The following NRG1 variants were observed in gnomAD, a reference collection of about 807,000 sequenced individuals.
NRG1 encodes pro-neuregulin-1, membrane-bound isoform.
Under a neutral mutation model 63.8 loss-of-function variants are expected in NRG1, and 18 were observed. The ratio of observed to expected loss-of-function variants is 0.28; its 90% CI spans 0.19 to 0.42. NRG1 has a LOEUF of 0.42. Ranked by LOEUF, NRG1 falls within the 10% of genes least tolerant of loss-of-function variation. NRG1 has a pLI of 1.00. For synonymous variants in NRG1, 302 were observed against 301.3 expected (o/e 1.00, Z -0.02); for missense variants, 762 against 814.7 (o/e 0.94, Z 0.79).
At chr8:32,726,645 CAGAT>C (rs1822269561) in intron 5 of NRG1, among the ~76,000 whole-genome samples, 2 of 151,882 alleles carry the variant, frequency 1.3e-5, no homozygotes, top group African/African-American at 4.8e-5. Context: ...GTATTCCAGT[CAGAT>C]AGAATAAAAA....
intron 1 of NRG1, among the ~76,000 whole-genome samples, chr8:32,157,054 G>A (rs1482088474): frequency 8.0e-5 from 3 of 37,332 alleles, no homozygotes; most frequent in Non-Finnish European, 1.4e-4. Flanking sequence ...AAACTCGTGT[G>A]TGTGTGTGTG....
At chr8:32,109,292 A>G (rs1585351804) in intron 1 of NRG1, among the ~76,000 whole-genome samples, 1 of 152,196 alleles carries the variant, frequency 6.6e-6, no homozygotes, top group Non-Finnish European at 1.5e-5. Flanking sequence ...TAGAGGCACA[A>G]TAGATCATGA....
At chr8:32,684,779 T>G (rs551143217) in intron 5 of NRG1, among the ~76,000 whole-genome samples, 93 of 152,208 alleles carry the variant, frequency 6.1e-4, no homozygotes, top group Non-Finnish European at 9.7e-4. Flanking sequence ...AGCTAGGAAA[T>G]TAGTTGTAAG....
intron 11 of NRG1, chr8:32,760,787 G>A: frequency 2.0e-6 from 2 of 1,018,588 alleles, no homozygotes; most frequent in Non-Finnish European, 2.4e-6. Context: ...CCAATTGCCA[G>A]TTATCCAAAC....
intron 1 of NRG1, among the ~76,000 whole-genome samples, chr8:32,120,947 G>A (rs1833367351): frequency 6.6e-6 from 1 of 151,976 alleles, no homozygotes; most frequent in Non-Finnish European, 1.5e-5. Context: ...AGACATGTAG[G>A]CAAACAACAT....
At chr8:32,361,399 G>A (rs79290572) in intron 1 of NRG1, among the ~76,000 whole-genome samples, 1,852 of 152,206 alleles carry the variant, frequency 0.012, 36 homozygotes, top group African/African-American at 0.041. Context: ...CCAAACAGAA[G>A]CCCTGTATGC....
At chr8:31,983,634 G>C (rs543722665) in intron 1 of NRG1, among the ~76,000 whole-genome samples, 2 of 152,038 alleles carry the variant, frequency 1.3e-5, no homozygotes, top group East Asian at 3.9e-4. Flanking sequence ...TGCTCTGCTG[G>C]GTGCTATACT....
At chr8:31,876,573 A>G (rs1209788518) in intron 1 of NRG1, among the ~76,000 whole-genome samples, 1 of 152,198 alleles carries the variant, frequency 6.6e-6, no homozygotes, top group Non-Finnish European at 1.5e-5. Context: ...CTCTTGTAAC[A>G]CTATTAGTTA....
chr8:31,641,326 T>C (rs1269737693), intron 1 of NRG1, among the ~76,000 whole-genome samples: 3 of 143,866 alleles, frequency 2.1e-5, no homozygotes, highest in Non-Finnish European at 4.7e-5. Context: ...AAGTTGTTAT[T>C]GGTGGGGGTT....
chr8:31,973,216 C>T (rs567978350), intron 1 of NRG1, among the ~76,000 whole-genome samples: 1 of 152,238 alleles, frequency 6.6e-6, no homozygotes, highest in South Asian at 2.1e-4. Context: ...CTTATAAACA[C>T]ACAAGCATAC....
intron 1 of NRG1, among the ~76,000 whole-genome samples, chr8:32,392,274 C>A (rs1230982822): frequency 1.3e-5 from 2 of 152,150 alleles, no homozygotes; most frequent in African/African-American, 4.8e-5. Context: ...TTGCATTCTT[C>A]CTCTAAATCC....
At chr8:32,577,897 A>G (rs2129530065) in intron 1 of NRG1, among the ~76,000 whole-genome samples, 1 of 152,264 alleles carries the variant, frequency 6.6e-6, no homozygotes, top group Non-Finnish European at 1.5e-5. Flanking sequence ...TTTAACATAA[A>G]AGGAAGATGA....
chr8:32,336,259 G>C (rs1803248656), intron 1 of NRG1, among the ~76,000 whole-genome samples: 1 of 152,184 alleles, frequency 6.6e-6, no homozygotes, highest in South Asian at 2.1e-4. Context: ...TTATACTCTA[G>C]TGAGGGGGAG....
chr8:32,466,796 C>G (rs150102697), intron 1 of NRG1, among the ~76,000 whole-genome samples: 7 of 151,978 alleles, frequency 4.6e-5, no homozygotes, highest in Non-Finnish European at 7.4e-5. Context: ...ATGATTTTCT[C>G]TTTAAATCAG....
chr8:31,981,177 C>T (rs1270812818), intron 1 of NRG1, among the ~76,000 whole-genome samples: 1 of 152,012 alleles, frequency 6.6e-6, no homozygotes. Flanking sequence ...TGTTAGGAAA[C>T]ATTTTGTTCC....
chr8:32,482,410 G>GTGTGTGTT (rs1392899716), intron 1 of NRG1, among the ~76,000 whole-genome samples: 1,921 of 152,028 alleles, frequency 0.013, 45 homozygotes, highest in African/African-American at 0.043. Context: ...GTGTGTGTGT[G>GTGTGTGTT]TGTGTGTGTG....
chr8:32,315,824 A>G (rs1318249615), intron 1 of NRG1, among the ~76,000 whole-genome samples: 4 of 152,234 alleles, frequency 2.6e-5, no homozygotes, highest in African/African-American at 9.6e-5. Flanking sequence ...AACATCACAG[A>G]GGAAAAAAAC....
intron 1 of NRG1, among the ~76,000 whole-genome samples, chr8:31,903,966 T>A (rs565338644): frequency 3.9e-5 from 6 of 152,026 alleles, no homozygotes; most frequent in Admixed American, 6.6e-5. Context: ...CAAAAAAAAA[T>A]TTCTCTCTAA....
intron 1 of NRG1, among the ~76,000 whole-genome samples, chr8:32,389,278 G>T (rs1177485916): frequency 1.3e-5 from 2 of 152,106 alleles, no homozygotes; most frequent in Non-Finnish European, 2.9e-5. Context: ...TTATAATCTT[G>T]TCCTACAAAG....
Sources: allele counts gnomAD v4.1 joint callset (sites outside exome capture counted in the v4.1 genomes callset), GRCh38; gene constraint gnomAD v4.1.1; transcripts MANE v1.5; gene names NCBI Gene and HGNC (gene_info 2026-07-23, HGNC 2026-07-21).